WDFY3: variants seen among roughly 807,000 people sequenced by gnomAD.
WDFY3 encodes the protein WD repeat and FYVE domain containing 3, also known as WD repeat and FYVE domain-containing protein 3.
A neutral mutation model predicts 409.6 loss-of-function variants in WDFY3; 66 were observed. The ratio of observed to expected loss-of-function variants is 0.16; its 90% CI spans 0.13 to 0.20. WDFY3 has a LOEUF of 0.20. Ranked by LOEUF, WDFY3 falls within the 10% of genes least tolerant of loss-of-function variation. The pLI is 1.00. For synonymous variants in WDFY3, 1,521 were observed against 1,537.1 expected (o/e 0.99, Z 0.25); for missense variants, 3,031 against 4,298.1 (o/e 0.71, Z 8.24).
chr4:84,802,520 AG>A (rs1383016162), intron 16 of WDFY3, among the ~76,000 whole-genome samples: 2 of 151,800 alleles, frequency 1.3e-5, no homozygotes, highest in Non-Finnish European at 2.9e-5. Flanking sequence ...CACCCGCCTC[AG>A]CCTCCCAAAG....
At chr4:84,958,590 G>A (rs973717467) in intron 1 of WDFY3, among the ~76,000 whole-genome samples, 4 of 152,122 alleles carry the variant, frequency 2.6e-5, no homozygotes, top group African/African-American at 4.8e-5. Context: ...AGGCTCAGAG[G>A]CAGGAGAGCT....
At chr4:84,762,705 T>G (rs1318075927) in intron 32 of WDFY3, among the ~76,000 whole-genome samples, 1 of 152,210 alleles carries the variant, frequency 6.6e-6, no homozygotes, top group African/African-American at 2.4e-5. Flanking sequence ...ATTATTGTTT[T>G]CTTTGCCCTC....
intron 1 of WDFY3, among the ~76,000 whole-genome samples, chr4:84,952,311 G>A (rs897859549): frequency 2.6e-5 from 4 of 151,988 alleles, no homozygotes; most frequent in Non-Finnish European, 5.9e-5. Context: ...AAAAAGAGGT[G>A]GAGAACATAA....
chr4:84,806,193 TA>T (rs1751474627), intron 15 of WDFY3, among the ~76,000 whole-genome samples: 1 of 152,212 alleles, frequency 6.6e-6, no homozygotes, highest in Non-Finnish European at 1.5e-5. Context: ...CAGTGTGACT[TA>T]AATTCTAATT....
chr4:84,680,639 A>G (rs2148766604), intron 64 of WDFY3, among the ~76,000 whole-genome samples: 1 of 152,344 alleles, frequency 6.6e-6, no homozygotes, highest in South Asian at 2.1e-4. Flanking sequence ...ACATCCATGG[A>G]TTCAATTAAT....
chr4:84,962,272 CT>C lies in WDFY3; in HGVS notation c.-226+3936del, dbSNP rs914222069. On this transcript the variant is annotated intron_variant, in intron 1 of 67. Transcript: ENST00000295888. Reference sequence around the variant, plus strand: ...TAGCGAATGCTATAAATCAGAGATTCTTTTTTTTTTTCTGAAGAGTATGTTG... The same window carrying C: ...TAGCGAATGCTATAAATCAGAGATTCTTTTTTTTTTCTGAAGAGTATGTTG... Among the ~76,000 whole-genome samples, 771 of 147,606 alleles carry C rather than the reference CT, an allele frequency of 5.2e-3. 6 individuals are homozygous for C. Among genetic ancestry groups the C allele is most frequent in the African/African-American group, 0.017 (695 of 40,470 alleles).
intron 2 of WDFY3, among the ~76,000 whole-genome samples, chr4:84,927,316 T>TAC (rs142438597): frequency 0.29 from 43,660 of 151,062 alleles, 6,334 homozygotes; most frequent in Admixed American, 0.33. Context: ...TTCCATATGT[T>TAC]ACACACACAC....
chr4:84,948,093 A>ATGAAAGG (rs1478338949), intron 1 of WDFY3, among the ~76,000 whole-genome samples: 4 of 152,322 alleles, frequency 2.6e-5, no homozygotes, highest in Non-Finnish European at 5.9e-5. Flanking sequence ...TAGGAAGTAA[A>ATGAAAGG]TGAAAGGTGT....
chr4:84,684,562 A>C (rs1289207056), intron 62 of WDFY3, among the ~76,000 whole-genome samples: 1 of 152,206 alleles, frequency 6.6e-6, no homozygotes, highest in Non-Finnish European at 1.5e-5. Context: ...ACCACAGGGT[A>C]GAAGAGGCAT....
chr4:84,677,501 G>C, intron 66 of WDFY3, 105 bp from the exon 67 acceptor site: 2 of 1,140,404 alleles, frequency 1.8e-6, no homozygotes, highest in Non-Finnish European at 2.4e-6. Flanking sequence ...GTCGGGGCTG[G>C]TAAGGGTCCT....
At chr4:84,673,400 C>T (rs954380344) in intron 67 of WDFY3, among the ~76,000 whole-genome samples, 1 of 152,058 alleles carries the variant, frequency 6.6e-6, no homozygotes, top group African/African-American at 2.4e-5. Flanking sequence ...CAGAAAAACT[C>T]ACTAGCGGAA....
chr4:84,920,843 T>C (rs1057003619), intron 2 of WDFY3, among the ~76,000 whole-genome samples: 2 of 152,152 alleles, frequency 1.3e-5, no homozygotes, highest in Non-Finnish European at 2.9e-5. Flanking sequence ...TGACCTTTTT[T>C]TTCCTCCAAT....
chr4:84,845,209 GT>G (rs1757924474), intron 5 of WDFY3, among the ~76,000 whole-genome samples: 1 of 152,126 alleles, frequency 6.6e-6, no homozygotes, highest in Non-Finnish European at 1.5e-5. Context: ...GAATAATCTT[GT>G]TCTGGTGAAC....
chr4:84,947,544 A>AATAAT (rs1561138979), intron 1 of WDFY3, among the ~76,000 whole-genome samples: 2 of 131,830 alleles, frequency 1.5e-5, no homozygotes, highest in South Asian at 2.4e-4. Context: ...ATAATAATAA[A>AATAAT]AATAATAAAT....
chr4:84,884,604 T>C (rs773194680), intron 3 of WDFY3, among the ~76,000 whole-genome samples: 3 of 152,212 alleles, frequency 2.0e-5, no homozygotes, highest in African/African-American at 4.8e-5. Flanking sequence ...GTGTTAAACA[T>C]AATTTAAATG....
At chr4:84,691,550 C>T in intron 60 of WDFY3, 81 bp downstream of exon 60, 1 of 1,456,208 alleles carries the variant, frequency 6.9e-7, no homozygotes, top group Non-Finnish European at 9.3e-7. Context: ...GGACTGGGTT[C>T]TCCCCAACCC....
chr4:84,902,867 G>C (rs1213561708), intron 2 of WDFY3, among the ~76,000 whole-genome samples: 1 of 152,192 alleles, frequency 6.6e-6, no homozygotes, highest in East Asian at 1.9e-4. Flanking sequence ...CAGGATTGGA[G>C]ATAGCATATG....
chr4:84,764,225 C>A lies in WDFY3; in HGVS notation c.5188+1585G>T, dbSNP rs546527813. On this transcript the variant is annotated intron_variant, in intron 32 of 67. Coordinates refer to ENST00000295888, the MANE Select transcript of WDFY3 (RefSeq NM_014991.6). ...GCTGTCAATTAGCATTTAAACCTTG[C>A]ATATTCAACAGAACTCACATTCAGT... 2.5e-4 allele frequency among the ~76,000 whole-genome samples: 38 copies of A among 152,278 alleles called. No individual in the cohort carries two copies. In the Middle Eastern group the frequency reaches 0.014, roughly 55 times the overall value.
In WDFY3 at chr4:84,751,410, A is replaced by G. The variant is rs1173374328; in HGVS notation, c.5973+73T>C. 9 of 1,456,178 alleles carry G rather than the reference A, an allele frequency of 6.2e-6. No homozygotes were observed. In the East Asian group the frequency reaches 1.8e-4, roughly 29 times the overall value. 90.2% of individuals were successfully genotyped at this position (1,456,178 alleles called of 1,614,324 possible). A position where few individuals can be genotyped will look rare whatever the true frequency, so the allele number is the denominator to read the frequency against. On this transcript the variant is annotated intron_variant, in intron 36 of 67. Coordinates refer to ENST00000295888, the MANE Select transcript of WDFY3 (RefSeq NM_014991.6). ...AGGAATTAGAAATCCTTGTTATAGA[A>G]CTTGTTTGGTTACTAATGTTCTAAT...
Sources: allele counts gnomAD v4.1 joint callset (sites outside exome capture counted in the v4.1 genomes callset), GRCh38; gene constraint gnomAD v4.1.1; transcripts MANE v1.5; gene names NCBI Gene and HGNC (gene_info 2026-07-23, HGNC 2026-07-21).